FBXO15: variants seen among roughly 807,000 people sequenced by gnomAD.
FBXO15 encodes the protein F-box protein 15.
A neutral mutation model predicts 49.5 loss-of-function variants in FBXO15; 30 were observed. The observed-to-expected ratio is 0.61, with a 90% confidence interval of 0.45 to 0.82. FBXO15 has a LOEUF of 0.82. Ranked by LOEUF, FBXO15 falls within the 40% of genes least tolerant of loss-of-function variation. FBXO15 has a pLI of 0.00. For synonymous variants in FBXO15, 250 were observed against 232.7 expected, an observed-to-expected ratio of 1.07 and a Z score of -0.68; for missense variants, 591 against 631.5, an observed-to-expected ratio of 0.94 and a Z score of 0.69.
In FBXO15 at chr18:74,093,721, T is replaced by G. The variant is rs145785551; in HGVS notation, c.1139-11670A>C. ...TGCAGTTTCTTCCTCCAGTGAAGTC[T>G]TGAACCTCTCAAAGTCATCCATGAG... On this transcript the variant is annotated intron_variant, in intron 8 of 9. Coordinates refer to ENST00000419743, the MANE Select transcript of FBXO15 (RefSeq NM_001142958.2). Among the ~76,000 whole-genome samples the G allele has an allele frequency of 4.7e-4, 72 of 152,374 alleles. 1 individual carries two copies. Among genetic ancestry groups the G allele is most frequent in the Middle Eastern group, 3.4e-3 (1 of 294 alleles).
At chr18:74,133,577 T>C (rs1248481128) in intron 3 of FBXO15, among the ~76,000 whole-genome samples, 2 of 152,324 alleles carry the variant, frequency 1.3e-5, no homozygotes, top group Non-Finnish European at 2.9e-5. Flanking sequence ...TATTAGATCA[T>C]TGTCATAGTC....
intron 9 of FBXO15, among the ~76,000 whole-genome samples, chr18:74,077,214 G>A (rs1238194329): frequency 6.6e-6 from 1 of 152,186 alleles, no homozygotes; most frequent in Non-Finnish European, 1.5e-5. Context: ...ACTATGTGCT[G>A]AATGAATGAA....
intron 8 of FBXO15, among the ~76,000 whole-genome samples, chr18:74,105,142 G>C (rs1913695485): frequency 6.6e-6 from 1 of 152,150 alleles, no homozygotes; most frequent in African/African-American, 2.4e-5. Flanking sequence ...GAGTAGACTA[G>C]TCATTACTGG....
At chr18:74,113,056 A>G (rs972286331) in intron 8 of FBXO15, among the ~76,000 whole-genome samples, 1 of 152,252 alleles carries the variant, frequency 6.6e-6, no homozygotes, top group Non-Finnish European at 1.5e-5. Context: ...AGCAACCAAG[A>G]TGTCTTTCAG....
chr18:74,096,304 C>T lies in FBXO15; in HGVS notation c.1139-14253G>A, dbSNP rs551993073. On this transcript the variant is annotated intron_variant, in intron 8 of 9. Coordinates refer to ENST00000419743, the MANE Select transcript of FBXO15 (RefSeq NM_001142958.2). ...AAATCACTGTGGCTGTTCAGTAGCA[C>T]CACACTACAGGATGGGTGTTCCACT... Among the ~76,000 whole-genome samples, 7 of 152,190 alleles carry T rather than the reference C, an allele frequency of 4.6e-5. 1 individual carries two copies. The South Asian group carries it at 1.5e-3, about 32-fold the overall frequency.
Position 74,127,501 on chromosome 18 carries a change from C to T in FBXO15, c.786-1400G>A, listed in dbSNP as rs1407786150. On this transcript the variant is annotated intron_variant, in intron 5 of 9. Transcript: ENST00000419743. ...GGCTTTCACTGTTGTTGAAAAACTT[C>T]TCATAGAGGAAACAAAAAAGACCCA... is the stretch of plus-strand genomic sequence containing the variant. 2.0e-5 allele frequency among the ~76,000 whole-genome samples: 3 copies of T among 152,192 alleles called. 1 individual carries two copies. In the South Asian group the frequency reaches 6.2e-4, roughly 31 times the overall value.
intron 6 of FBXO15, 89 bp from the exon 7 acceptor site, chr18:74,124,660 T>C (rs1030721347): frequency 1.5e-5 from 17 of 1,149,986 alleles, no homozygotes; most frequent in Non-Finnish European, 2.2e-5. Flanking sequence ...CACATTCATC[T>C]TGCAGATAGA....
At chr18:74,143,410 A>C (rs1979210773) in intron 1 of FBXO15, among the ~76,000 whole-genome samples, 1 of 152,200 alleles carries the variant, frequency 6.6e-6, no homozygotes, top group African/African-American at 2.4e-5. Flanking sequence ...TTACAAAGAA[A>C]CAGGCATCCT....
rs1459740145 is a variant in FBXO15 at position 74,118,404 on chromosome 18, A to ATATATACACATATATATATATATGTG, written c.1138+4938_1138+4963dup. Among the ~76,000 whole-genome samples, 347 of 135,082 alleles carry ATATATACACATATATATATATATGTG rather than the reference A, an allele frequency of 2.6e-3. 2 individuals carry two copies. The highest frequency in any genetic ancestry group is 3.8e-3 in the Non-Finnish European group (251 of 66,818). The allele number at this position is 135,082 out of a possible 152,430, so 88.6% of individuals were successfully genotyped here. A position where few individuals can be genotyped will look rare whatever the true frequency, so the allele number is the denominator to read the frequency against. On this transcript the variant is annotated intron_variant, in intron 8 of 9. Transcript: ENST00000419743. The stretch of plus-strand genomic sequence containing the variant: ...GATTTTATGACCTGCGTATATACAC[A>ATATATACACATATATATATATATGTG]TATATACACATATATATATATATGT...
At chr18:74,077,427 A>G (rs1912300330) in intron 9 of FBXO15, among the ~76,000 whole-genome samples, 3 of 152,164 alleles carry the variant, frequency 2.0e-5, no homozygotes, top group Admixed American at 2.0e-4. Flanking sequence ...GGCCCCTCAC[A>G]TCAGATGAGC....
At chr18:74,119,967 T>C (rs1408453251) in intron 8 of FBXO15, among the ~76,000 whole-genome samples, 5 of 152,116 alleles carry the variant, frequency 3.3e-5, no homozygotes, top group Non-Finnish European at 5.9e-5. Context: ...CTGCCCACAG[T>C]GGTGGCACCA....
chr18:74,139,050 C>G (rs548603904), intron 2 of FBXO15, among the ~76,000 whole-genome samples: 1 of 152,132 alleles, frequency 6.6e-6, no homozygotes, highest in Non-Finnish European at 1.5e-5. Context: ...ATCTGGAGCC[C>G]CCACCACCAC....
rs58902081 is a variant in FBXO15, at chr18:74,107,205, A to AAAAAC, written c.1138+16162_1138+16163insGTTTT. Among the ~76,000 whole-genome samples, 42 of 151,172 alleles carry AAAAAC rather than the reference A, an allele frequency of 2.8e-4. 1 individual carries two copies. The highest frequency in any genetic ancestry group is 9.3e-4 in the African/African-American group (38 of 40,866). On this transcript the variant is annotated intron_variant, in intron 8 of 9. Coordinates refer to ENST00000419743, the MANE Select transcript of FBXO15 (RefSeq NM_001142958.2). ...CAGTGATATTCTGTAAAAAAAAAAAAAACAACAAATTCTGTCATTTGTAAT... is the reference window on the plus strand; with the variant it reads ...CAGTGATATTCTGTAAAAAAAAAAAAAAAACAACAACAAATTCTGTCATTTGTAAT...
At chr18:74,092,597 A>C (rs1283642183) in intron 8 of FBXO15, among the ~76,000 whole-genome samples, 3 of 152,144 alleles carry the variant, frequency 2.0e-5, no homozygotes, top group African/African-American at 4.8e-5. Context: ...ATTGTGACGT[A>C]AGGTAGGCTG....
At position 74,074,318 on chromosome 18, in the gene FBXO15, C is replaced by T. The variant is rs555828669; in HGVS notation, c.1264-588G>A. 2.0e-5 allele frequency among the ~76,000 whole-genome samples: 3 copies of T among 152,316 alleles called. No homozygotes were observed. The highest frequency in any genetic ancestry group is 3.9e-4 in the East Asian group (2 of 5,178). ...AGCCCTGCTGTCTGCCTCTCCCTCTCACTCTCTCCCAAGTCTTCCAAGTCT... is the reference window on the plus strand; with the variant it reads ...AGCCCTGCTGTCTGCCTCTCCCTCTTACTCTCTCCCAAGTCTTCCAAGTCT... On this transcript the variant is annotated intron_variant, in intron 9 of 9. Transcript: ENST00000419743. The surrounding 1 kb of genome is among the most constrained non-coding windows in gnomAD (Gnocchi z 4.7).
At chr18:74,137,770 C>T (rs1032694103) in intron 2 of FBXO15, among the ~76,000 whole-genome samples, 3 of 152,072 alleles carry the variant, frequency 2.0e-5, no homozygotes, top group African/African-American at 4.8e-5. Flanking sequence ...GAGGCAGGAC[C>T]GTTAAAGAAG....
At chr18:74,106,047 G>T (rs1290302028) in intron 8 of FBXO15, among the ~76,000 whole-genome samples, 1 of 152,068 alleles carries the variant, frequency 6.6e-6, no homozygotes. Flanking sequence ...AAATGAACAA[G>T]AAAAGCTTGA....
At chr18:74,144,302 C>T (rs17088843) in intron 1 of FBXO15, among the ~76,000 whole-genome samples, 13,351 of 151,624 alleles carry the variant, frequency 0.088, 1,083 homozygotes, top group African/African-American at 0.22. Flanking sequence ...ATTACAAAAT[C>T]TGTTGGTGAA....
At position 74,146,577 on chromosome 18, in the gene FBXO15, G is replaced by A. The variant is rs552058894; in HGVS notation, c.116+1093C>T. On this transcript the variant is annotated intron_variant, in intron 1 of 9. Coordinates refer to ENST00000419743, the MANE Select transcript of FBXO15 (RefSeq NM_001142958.2). ...GTTCAAGTTTCCTATTTAAATTCCT[G>A]CTTTTTCTCCTACATAAAAGAATTT... Among the ~76,000 whole-genome samples, 6 of 152,282 alleles carry A rather than the reference G, an allele frequency of 3.9e-5. No individual in the cohort carries two copies. In the East Asian group the frequency reaches 1.2e-3, roughly 29 times the overall value.
Sources: gnomAD v4.1 joint callset for allele counts (sites outside exome capture counted in the v4.1 genomes callset) on GRCh38, gnomAD v4.1.1 for gene constraint, Gnocchi (gnomAD v3.1) non-coding constraint, MANE v1.5 for transcripts, NCBI Gene and HGNC (gene_info 2026-07-23, HGNC 2026-07-21) for gene names.